Variants in NAALADL2 observed in about 807,000 individuals in gnomAD.
The protein encoded by NAALADL2 is N-acetylated alpha-linked acidic dipeptidase like 2.
A neutral mutation model predicts 87.2 loss-of-function variants in NAALADL2; 76 were observed. The observed-to-expected ratio is 0.87, with a 90% CI of 0.72 to 1.05. The LOEUF is 1.05. Among genes scored for constraint, NAALADL2 ranks in the 50% least tolerant of loss-of-function variants. The pLI, the probability that NAALADL2 is intolerant of heterozygous loss-of-function variation, is 0.00. For synonymous variants in NAALADL2, 354 were observed against 331.0 expected, an observed-to-expected ratio of 1.07 and a Z score of -0.75; for missense variants, 1,089 against 945.8, an observed-to-expected ratio of 1.15 and a Z score of -1.99.
At chr3:175,546,514 T>C (rs1196172896) in intron 9 of NAALADL2, among the ~76,000 whole-genome samples, 1 of 152,102 alleles carries the variant, frequency 6.6e-6, no homozygotes, top group Admixed American at 6.6e-5. Flanking sequence ...TTTTTGTAGT[T>C]TATGGTAACG....
At chr3:174,974,936 T>C (rs1744173979) in intron 1 of NAALADL2, among the ~76,000 whole-genome samples, 1 of 152,144 alleles carries the variant, frequency 6.6e-6, no homozygotes, top group African/African-American at 2.4e-5. Flanking sequence ...ACAATTCAAT[T>C]TTCAAAAAAG....
Position 175,734,413 on chromosome 3 carries a change from T to C in NAALADL2, c.1897-2893T>C, listed in dbSNP as rs1439845825. ...ACTAAAAATACAAAACAAAATTAGC[T>C]GGGCGTGGTGGTGGGCGCCTGTAGT... On this transcript the variant is annotated intron_variant, in intron 11 of 13. Transcript: ENST00000454872. Among the ~76,000 whole-genome samples the C allele has an allele frequency of 2.0e-5, 3 of 151,582 alleles. No individual in the cohort carries two copies. In the East Asian group the frequency reaches 5.8e-4, roughly 29 times the overall value.
intron 2 of NAALADL2, among the ~76,000 whole-genome samples, chr3:175,166,281 T>C (rs1485309297): frequency 6.6e-6 from 1 of 151,924 alleles, no homozygotes; most frequent in Non-Finnish European, 1.5e-5. Context: ...AATTGACAAA[T>C]CTGCTTTTAT....
chr3:174,553,801 T>C (rs541018536), intron 2 of NAALADL2, among the ~76,000 whole-genome samples: 5 of 152,174 alleles, frequency 3.3e-5, no homozygotes, highest in Non-Finnish European at 7.4e-5. Flanking sequence ...TTCCATTTCT[T>C]GTGATTAATT....
chr3:174,830,283 C>T (rs373981966), intron 3 of NAALADL2, among the ~76,000 whole-genome samples: 23 of 149,524 alleles, frequency 1.5e-4, no homozygotes, highest in East Asian at 7.9e-4. Context: ...CATCTTGAAT[C>T]GATTTTTGTA....
chr3:174,604,453 C>G (rs1403264208), intron 2 of NAALADL2, among the ~76,000 whole-genome samples: 1 of 152,024 alleles, frequency 6.6e-6, no homozygotes, highest in African/African-American at 2.4e-5. Context: ...CTATATGTGT[C>G]CTCATAGGTG....
At chr3:175,387,473 A>G (rs1768537461) in intron 5 of NAALADL2, among the ~76,000 whole-genome samples, 1 of 152,078 alleles carries the variant, frequency 6.6e-6, no homozygotes, top group Non-Finnish European at 1.5e-5. Flanking sequence ...CTTCTCTAGC[A>G]ACCTCCAAAG....
At chr3:174,902,968 C>A (rs143269593) in intron 1 of NAALADL2, among the ~76,000 whole-genome samples, 4 of 152,136 alleles carry the variant, frequency 2.6e-5, no homozygotes, top group Admixed American at 1.3e-4. Context: ...ATAGTCTTAC[C>A]TTTATCATAC....
chr3:175,547,220 A>T (rs1263474073), intron 9 of NAALADL2, among the ~76,000 whole-genome samples: 1 of 152,090 alleles, frequency 6.6e-6, no homozygotes, highest in Non-Finnish European at 1.5e-5. Flanking sequence ...AGAAACAGAC[A>T]CATAGACCAA....
chr3:174,957,945 T>C (rs1489853039), intron 1 of NAALADL2, among the ~76,000 whole-genome samples: 2 of 151,958 alleles, frequency 1.3e-5, no homozygotes, highest in Non-Finnish European at 2.9e-5. Flanking sequence ...TTTTTCCCCA[T>C]TGCCAATGTA....
chr3:175,102,560 C>T (rs73039231), intron 2 of NAALADL2, among the ~76,000 whole-genome samples: 7,237 of 152,082 alleles, frequency 0.048, 500 homozygotes, highest in African/African-American at 0.15. Flanking sequence ...ATGTATGGTA[C>T]GCCATCTCTT....
At chr3:174,957,139 A>G (rs1269033107) in intron 1 of NAALADL2, among the ~76,000 whole-genome samples, 1 of 151,936 alleles carries the variant, frequency 6.6e-6, no homozygotes, top group African/African-American at 2.4e-5. Context: ...ACAAAAGGCG[A>G]CAAGCATCTT....
At chr3:175,281,263 G>C (rs4254669) in intron 4 of NAALADL2, among the ~76,000 whole-genome samples, 31,480 of 151,148 alleles carry the variant, frequency 0.21, 3,804 homozygotes, top group East Asian at 0.49. Flanking sequence ...AATTTTACAT[G>C]GTATATATTT....
chr3:174,858,162 C>T (rs1276942159), upstream of NAALADL2, among the ~76,000 whole-genome samples: 2 of 146,922 alleles, frequency 1.4e-5, no homozygotes, highest in Admixed American at 1.4e-4. Flanking sequence ...GTAATTATTA[C>T]AATATTAAAT....
chr3:175,187,210 CTT>C lies in NAALADL2; in HGVS notation c.546-46719_546-46718del, dbSNP rs550976378. ...TGATCATTCATTAAGTTCATAAACA[CTT>C]TATAAACATCTACCATGCTTCTTAT... On this transcript the variant is annotated intron_variant, in intron 2 of 13. Transcript: ENST00000454872. Among the ~76,000 whole-genome samples, 253 of 152,186 alleles carry C rather than the reference CTT, an allele frequency of 1.7e-3. 1 individual carries two copies. The highest frequency in any genetic ancestry group is 9.7e-3 in the South Asian group (47 of 4,826).
At chr3:174,709,303 C>T (rs543382137) in intron 2 of NAALADL2, among the ~76,000 whole-genome samples, 1 of 152,040 alleles carries the variant, frequency 6.6e-6, no homozygotes, top group Admixed American at 6.5e-5. Flanking sequence ...AGAAACGGTA[C>T]TTTGTGTCTT....
chr3:175,560,264 T>C (rs1324917705), intron 9 of NAALADL2, among the ~76,000 whole-genome samples: 1 of 152,188 alleles, frequency 6.6e-6, no homozygotes, highest in Admixed American at 6.5e-5. Flanking sequence ...ATTTCTGTAG[T>C]ATTAGTTATA....
chr3:174,940,079 T>C (rs948892078), intron 1 of NAALADL2, among the ~76,000 whole-genome samples: 6 of 152,110 alleles, frequency 3.9e-5, no homozygotes, highest in African/African-American at 7.2e-5. Flanking sequence ...TCCTGTCTTG[T>C]ACCAGTTTTC....
At chr3:175,439,419 C>T (rs1490893933) in intron 5 of NAALADL2, among the ~76,000 whole-genome samples, 1 of 151,920 alleles carries the variant, frequency 6.6e-6, no homozygotes, top group Admixed American at 6.6e-5. Flanking sequence ...AATCTCCATA[C>T]TGTTTTCCAT....
Sources: gnomAD v4.1 joint callset for allele counts (sites outside exome capture counted in the v4.1 genomes callset) on GRCh38, gnomAD v4.1.1 for gene constraint, MANE v1.5 for transcripts, NCBI Gene and HGNC (gene_info 2026-07-23, HGNC 2026-07-21) for gene names.